Variants in SCN8A observed in about 807,000 individuals in gnomAD.
SCN8A encodes sodium channel protein type 8 subunit alpha.
Under a neutral mutation model 184.1 loss-of-function variants are expected in SCN8A, and 30 were observed. The ratio of observed to expected loss-of-function variants is 0.16; its 90% CI spans 0.12 to 0.22. SCN8A has a LOEUF of 0.22. Ranked by LOEUF, SCN8A falls within the 10% of genes least tolerant of loss-of-function variation. The probability of loss-of-function intolerance (pLI) is 1.00; values close to 1 mark genes in which losing one functional copy is unlikely to be tolerated. For missense variants in SCN8A, 1,057 were observed against 2,498.9 expected (o/e 0.42, Z 12.30); for synonymous variants, 852 against 907.0 (o/e 0.94, Z 1.09).
intron 1 of SCN8A, among the ~76,000 whole-genome samples, chr12:51,637,666 C>T (rs934501093): frequency 6.6e-6 from 1 of 152,172 alleles, no homozygotes; most frequent in Admixed American, 6.5e-5. Flanking sequence ...AAATTGGAAG[C>T]TAGCACAGGT....
intron 24 of SCN8A, among the ~76,000 whole-genome samples, chr12:51,789,898 G>A (rs144359659): frequency 6.6e-6 from 1 of 152,288 alleles, no homozygotes; most frequent in African/African-American, 2.4e-5. Context: ...AAAATTGCTC[G>A]TTGCTCATTT....
At chr12:51,784,021 G>A (rs547746578) in intron 21 of SCN8A, among the ~76,000 whole-genome samples, 1 of 152,288 alleles carries the variant, frequency 6.6e-6, no homozygotes, top group African/African-American at 2.4e-5. Context: ...AGAGTAACTA[G>A]AGAACTTGAG....
intron 14 of SCN8A, among the ~76,000 whole-genome samples, chr12:51,759,967 T>G (rs1474889705): frequency 6.6e-6 from 1 of 152,194 alleles, no homozygotes; most frequent in Non-Finnish European, 1.5e-5. Flanking sequence ...CCAAACTTGC[T>G]TTTATCACAA....
chr12:51,636,059 A>G (rs1940310364), intron 1 of SCN8A, among the ~76,000 whole-genome samples: 1 of 152,142 alleles, frequency 6.6e-6, no homozygotes, highest in Non-Finnish European at 1.5e-5. Context: ...CAATGGCGCC[A>G]TCTGGGCTCA....
intron 12 of SCN8A, among the ~76,000 whole-genome samples, chr12:51,745,185 T>C (rs546116582): frequency 3.3e-5 from 5 of 152,206 alleles, no homozygotes; most frequent in African/African-American, 4.8e-5. Flanking sequence ...TATAACAATC[T>C]GATTATACTT....
chr12:51,751,954 C>T (rs1477252300), intron 14 of SCN8A, among the ~76,000 whole-genome samples: 1 of 152,094 alleles, frequency 6.6e-6, no homozygotes, highest in African/African-American at 2.4e-5. Context: ...CAAATCAGTT[C>T]CCCTTTCACC....
At chr12:51,714,640 A>G (rs1941936294) in intron 11 of SCN8A, among the ~76,000 whole-genome samples, 2 of 152,210 alleles carry the variant, frequency 1.3e-5, no homozygotes, top group African/African-American at 4.8e-5. Flanking sequence ...CTAGAAAGAA[A>G]AAGTGAAATA....
intron 22 of SCN8A, 35 bp from the exon 23 acceptor site, chr12:51,788,660 A>G: frequency 6.3e-7 from 1 of 1,575,308 alleles, no homozygotes; most frequent in Non-Finnish European, 8.7e-7. Context: ...CACTCCCTTT[A>G]TAGGCACCGT....
intron 2 of SCN8A, among the ~76,000 whole-genome samples, chr12:51,676,384 T>C (rs1941223202): frequency 6.6e-6 from 1 of 152,250 alleles, no homozygotes; most frequent in African/African-American, 2.4e-5. Context: ...TAACAGGTCA[T>C]TTGTTTCTGA....
chr12:51,721,340 C>T (rs1406455439), intron 11 of SCN8A, among the ~76,000 whole-genome samples: 1 of 151,782 alleles, frequency 6.6e-6, no homozygotes, highest in Admixed American at 6.6e-5. Flanking sequence ...GTTTTGAATC[C>T]GTAACTGGTC....
chr12:51,596,055 T>C (rs1192708394), intron 1 of SCN8A, among the ~76,000 whole-genome samples: 1 of 152,202 alleles, frequency 6.6e-6, no homozygotes, highest in Non-Finnish European at 1.5e-5. Flanking sequence ...TGTTTTTAGC[T>C]GTAGCCTGGG....
At chr12:51,750,296 A>G (rs1036882137) in intron 13 of SCN8A, among the ~76,000 whole-genome samples, 7 of 152,168 alleles carry the variant, frequency 4.6e-5, no homozygotes, top group Admixed American at 3.3e-4. Flanking sequence ...GTTTGACAAT[A>G]ACACTTTCTG....
chr12:51,804,786 T>C (rs1938651981), intron 26 of SCN8A, among the ~76,000 whole-genome samples: 1 of 152,232 alleles, frequency 6.6e-6, no homozygotes, highest in African/African-American at 2.4e-5. Flanking sequence ...GATACTGGTT[T>C]CTGATTCACG....
At chr12:51,642,125 G>A (rs746868706) in intron 1 of SCN8A, among the ~76,000 whole-genome samples, 3 of 151,842 alleles carry the variant, frequency 2.0e-5, no homozygotes, top group Non-Finnish European at 2.9e-5. Context: ...TTTTATCATC[G>A]CCATCATTAT....
At chr12:51,611,371 C>G (rs757755608) in intron 1 of SCN8A, among the ~76,000 whole-genome samples, 1 of 152,060 alleles carries the variant, frequency 6.6e-6, no homozygotes, top group Non-Finnish European at 1.5e-5. Flanking sequence ...ACCGGGTTAG[C>G]CAAGGATGGT....
At chr12:51,659,308 G>A (rs975467510) in intron 1 of SCN8A, among the ~76,000 whole-genome samples, 6 of 152,136 alleles carry the variant, frequency 3.9e-5, no homozygotes, top group African/African-American at 1.4e-4. Flanking sequence ...TTTTGCTAGG[G>A]GTGGTTATTG....
At chr12:51,720,121 C>T in intron 11 of SCN8A, among the ~76,000 whole-genome samples, 1 of 148,820 alleles carries the variant, frequency 6.7e-6, no homozygotes, top group East Asian at 2.0e-4. Context: ...ATTTCTTTAC[C>T]ACAAACTTTA....
intron 26 of SCN8A, 111 bp downstream of exon 26, chr12:51,794,752 C>T: frequency 9.5e-7 from 1 of 1,055,750 alleles, no homozygotes; most frequent in Non-Finnish European, 1.4e-6. Context: ...AGGCAAGATA[C>T]CCTCATAGCT....
At chr12:51,621,648 G>A (rs1477170532) in intron 1 of SCN8A, among the ~76,000 whole-genome samples, 1 of 152,210 alleles carries the variant, frequency 6.6e-6, no homozygotes, top group South Asian at 2.1e-4. Flanking sequence ...GGGCAGTACA[G>A]ATTTCTTTAA....
Sources: gnomAD v4.1 joint callset for allele counts (sites outside exome capture counted in the v4.1 genomes callset) on GRCh38, gnomAD v4.1.1 for gene constraint, MANE v1.5 for transcripts, NCBI Gene and HGNC (gene_info 2026-07-23, HGNC 2026-07-21) for gene names.